The following SLC22A24 variants were observed in gnomAD, a reference collection of about 807,000 sequenced individuals.
The protein encoded by SLC22A24 is steroid transmembrane transporter SLC22A24.
SLC22A24 carries 53 observed loss-of-function variants against 49.8 expected under a neutral mutation model. That is an observed-to-expected ratio of 1.06 (90% CI 0.85 to 1.34). The LOEUF (loss-of-function observed/expected upper bound fraction) is 1.34. Ranked by LOEUF, SLC22A24 falls within the 40% of genes most tolerant of loss-of-function variation. The pLI, the probability that SLC22A24 is intolerant of heterozygous loss-of-function variation, is 0.00. For synonymous variants in SLC22A24, 302 were observed against 256.4 expected (o/e 1.18, Z -1.70); for missense variants, 786 against 675.9 (o/e 1.16, Z -1.81).
At chr11:63,111,540 C>A (rs1426798624) in intron 4 of SLC22A24, among the ~76,000 whole-genome samples, 1 of 151,790 alleles carries the variant, frequency 6.6e-6, no homozygotes, top group Non-Finnish European at 1.5e-5. Flanking sequence ...TGTTATTGGT[C>A]TATTCAGAGA....
At position 63,090,702 on chromosome 11, in the gene SLC22A24, TA is replaced by T. The variant is rs370751523; in HGVS notation, c.1070+5288del. Among the ~76,000 whole-genome samples, 283 of 143,206 alleles carry T rather than the reference TA, an allele frequency of 2.0e-3. 3 individuals carry two copies. Among genetic ancestry groups the T allele is most frequent in the African/African-American group, 6.4e-3 (247 of 38,810 alleles). The allele number at this position is 143,206 out of a possible 152,430, so 93.9% of individuals were successfully genotyped here. ...ATAAATAAATAAATAATAGCTATCT[TA>T]AAAAAAAAAGAAGTTATTTGAAACC... On this transcript the variant is annotated intron_variant, in intron 6 of 9. Coordinates refer to ENST00000612278, the MANE Select transcript of SLC22A24 (RefSeq NM_001136506.2).
At position 63,096,042 on chromosome 11, in the gene SLC22A24, A is replaced by C; in HGVS notation, c.1019T>G (p.Leu340Arg). Residue 340 changes from leucine (L) to arginine (R), a missense_variant, in exon 6 of 10, where the codon CTG (leucine) becomes CGG (arginine). Coordinates refer to ENST00000612278, the MANE Select transcript of SLC22A24 (RefSeq NM_001136506.2). The part of the protein sequence containing the change: ...AVRIKTSIFS[L>R]FRAPKLRMRV... ...CATTCGCAATTTGGGTGCACGGAAC[A>C]GGGAAAAAATGGATGTTTTAATTCG... 6.4e-7 allele frequency: 1 copy of C among 1,551,014 alleles called. No individual in the cohort carries two copies. Among genetic ancestry groups the C allele is most frequent in the Non-Finnish European group, 8.7e-7 (1 of 1,146,488 alleles).
In SLC22A24 at chr11:63,143,524, G is replaced by T; in HGVS notation, c.256C>A (p.Gln86Lys). 1.3e-6 allele frequency: 2 copies of T among 1,596,514 alleles called. No homozygotes were observed. Among genetic ancestry groups the T allele is most frequent in the Non-Finnish European group, 1.7e-6 (2 of 1,172,194 alleles). ...GGATGGATAAAGCGCTGACACTTCTGTGGCCTCAGGTTTGAGTCCAGTGGG... is the reference window on the plus strand; with the variant it reads ...GGATGGATAAAGCGCTGACACTTCTTTGGCCTCAGGTTTGAGTCCAGTGGG... Reference protein sequence around the residue: ...SIPLDSNLRPQKCQRFIHPQW... With the variant: ...SIPLDSNLRPKKCQRFIHPQW... The change falls in exon 1 of 10, where the codon CAG (glutamine) becomes AAG (lysine). Residue 86 changes from glutamine (Q) to lysine (K), a missense_variant. Gln to Lys is a moderately conservative substitution (Grantham distance 53). Transcript: ENST00000612278.
In SLC22A24 at chr11:63,083,439, G is replaced by A. The variant is rs1408101029; in HGVS notation, c.1089C>T (p.Pro363=). Residue 363 remains proline (P), a synonymous_variant, in exon 7 of 10, where the codon CCC becomes CCT. Coordinates refer to ENST00000612278, the MANE Select transcript of SLC22A24 (RefSeq NM_001136506.2). ...LCFVRFAITV[P]FYGLILNLQH... ...GCAAGTTGAGTATCAGGCCATAAAA[G>A]GGTACAGTGATTGCGAATCTGAAGT... is the stretch of plus-strand genomic sequence containing the variant. The A allele has an allele frequency of 5.8e-6, 9 of 1,551,092 alleles. No homozygotes were observed. The highest frequency in any genetic ancestry group is 4.1e-5 in the African/African-American group (3 of 73,018).
intron 6 of SLC22A24, among the ~76,000 whole-genome samples, chr11:63,093,891 T>C (rs749417461): frequency 2.0e-5 from 3 of 152,080 alleles, no homozygotes; most frequent in Admixed American, 6.6e-5. Context: ...AATGTGATAC[T>C]ATATGCAGTC....
intron 6 of SLC22A24, 24 bp from the exon 7 acceptor site, chr11:63,083,481 G>T: frequency 1.3e-6 from 2 of 1,512,208 alleles, no homozygotes; most frequent in Non-Finnish European, 9.0e-7. Context: ...AAAGGACAAA[G>T]ACATATTCAA....
rs1407174023 is a variant in SLC22A24 at position 63,080,999 on chromosome 11, G to A, written c.1519C>T (p.Leu507Phe). 1.3e-6 allele frequency: 2 copies of A among 1,551,932 alleles called. No individual in the cohort carries two copies. Among genetic ancestry groups the A allele is most frequent in the Non-Finnish European group, 8.7e-7 (1 of 1,147,244 alleles). ...AGGAGGAGGATAACAGGGACAGCAA[G>A]GATGGGGAAGACTCCATAGGAAATC... The part of the protein sequence containing the change: ...PWISYGVFPI[L>F]AVPVILLLPE... Residue 507 changes from leucine to phenylalanine, a missense_variant, in exon 9 of 10, where the codon CTT (leucine) becomes TTT (phenylalanine). Transcript: ENST00000612278.
chr11:63,142,747 T>A (rs1015028910), intron 1 of SLC22A24, among the ~76,000 whole-genome samples: 5 of 151,874 alleles, frequency 3.3e-5, no homozygotes, highest in African/African-American at 1.2e-4. Flanking sequence ...ACTTAGGAAG[T>A]GACTCAGCAC....
At chr11:63,142,864 G>A (rs935788874) in intron 1 of SLC22A24, among the ~76,000 whole-genome samples, 6 of 152,008 alleles carry the variant, frequency 3.9e-5, no homozygotes, top group Admixed American at 1.3e-4. Context: ...TCTGCTCCCC[G>A]AATGCTCAGG....
Position 63,079,960 on chromosome 11 carries a change from T to C in SLC22A24, c.1639A>G (p.Met547Val). The C allele has an allele frequency of 6.5e-7, 1 of 1,546,018 alleles. No individual in the cohort carries two copies. Among genetic ancestry groups the C allele is most frequent in the East Asian group, 2.4e-5 (1 of 40,862 alleles). The change falls in exon 10 of 10, where the codon ATG (methionine) becomes GTG (valine). Residue 547 changes from methionine (M) to valine (V), a missense_variant. Physicochemically the swap from Met to Val is conservative, Grantham distance 21. Coordinates refer to ENST00000612278, the MANE Select transcript of SLC22A24 (RefSeq NM_001136506.2). The part of the protein sequence containing the change: ...SRNIKQEDTC[M>V]KVTQF ...ATCTCTTAAAACTGTGTTACTTTCA[T>C]GCAAGTATCTTCCTGCTTTATGTTT...
At chr11:63,099,371 A>AT (rs56708217) in intron 5 of SLC22A24, among the ~76,000 whole-genome samples, 16,543 of 51,608 alleles carry the variant, frequency 0.32, 4,866 homozygotes, top group East Asian at 0.36. Flanking sequence ...AATTTTTAAG[A>AT]TTTTTTTTTT....
rs2087432869 is a variant in SLC22A24, at chr11:63,143,692, G to A, written c.88C>T (p.Leu30=). 3 of 1,574,162 alleles carry A rather than the reference G, an allele frequency of 1.9e-6. No homozygotes were observed. Among genetic ancestry groups the A allele is most frequent in the African/African-American group, 1.4e-5 (1 of 73,288 alleles). The change falls in exon 1 of 10, where the codon CTA becomes TTA. Residue 30 remains leucine (L), a synonymous_variant. Coordinates refer to ENST00000612278, the MANE Select transcript of SLC22A24 (RefSeq NM_001136506.2). ...LIAFFCITNI[L]LFPNIVLENF... ...TCCAACACAATATTAGGGAACAGTA[G>A]GATGTTGGTGATGCAAAAGAAAGCT...
Position 63,096,046 on chromosome 11 carries a change from A to G in SLC22A24, c.1015T>C (p.Ser339Pro), listed in dbSNP as rs7113279. 0.53 allele frequency: 818,297 copies of G among 1,549,930 alleles called. 217,035 individuals are homozygous for G. The highest frequency in any genetic ancestry group is 0.58 in the East Asian group (23,503 of 40,866). ...CGCAATTTGGGTGCACGGAACAGGG[A>G]AAAAATGGATGTTTTAATTCGGACT... is the stretch of plus-strand genomic sequence containing the variant. ...DAVRIKTSIFSLFRAPKLRMR... is the reference protein window; with the variant it reads ...DAVRIKTSIFPLFRAPKLRMR... The change falls in exon 6 of 10, where the codon TCC becomes CCC. Residue 339 changes from serine (S) to proline (P), a missense_variant. Physicochemically the swap from Ser to Pro is moderately conservative, Grantham distance 74. Coordinates refer to ENST00000612278, the MANE Select transcript of SLC22A24 (RefSeq NM_001136506.2).
intron 6 of SLC22A24, among the ~76,000 whole-genome samples, chr11:63,088,942 C>T (rs547658468): frequency 6.6e-5 from 10 of 152,202 alleles, no homozygotes; most frequent in South Asian, 6.2e-4. Flanking sequence ...ACACAACCTA[C>T]GATAAATTGG....
chr11:63,099,864 A>G (rs1238845594), intron 5 of SLC22A24, among the ~76,000 whole-genome samples: 1 of 152,200 alleles, frequency 6.6e-6, no homozygotes, highest in African/African-American at 2.4e-5. Context: ...AGCATTTGAT[A>G]AAATTCAACT....
At chr11:63,112,029 C>T (rs1017432135) in intron 4 of SLC22A24, among the ~76,000 whole-genome samples, 3 of 151,872 alleles carry the variant, frequency 2.0e-5, no homozygotes, top group Non-Finnish European at 4.4e-5. Flanking sequence ...GAATGTGTCC[C>T]AGAGATTCTG....
At chr11:63,121,468 G>A (rs576195694) in intron 2 of SLC22A24, among the ~76,000 whole-genome samples, 3 of 152,154 alleles carry the variant, frequency 2.0e-5, no homozygotes, top group South Asian at 4.2e-4. Flanking sequence ...ATAGTTTGAA[G>A]CAGCAGACTA....
chr11:63,130,078 T>C (rs1484026133), intron 2 of SLC22A24, among the ~76,000 whole-genome samples: 1 of 152,156 alleles, frequency 6.6e-6, no homozygotes, highest in Non-Finnish European at 1.5e-5. Flanking sequence ...ATGCTTCCAG[T>C]TTTTGCCCAT....
rs527269106 is a variant in SLC22A24 at position 63,105,579 on chromosome 11, G to A, written c.831-1281C>T. Among the ~76,000 whole-genome samples, 32 of 152,280 alleles carry A rather than the reference G, an allele frequency of 2.1e-4. 1 individual carries two copies. In the South Asian group the frequency reaches 6.2e-3, roughly 30 times the overall value. ...ATCCTCTGAAGCCACAGCCCAAGTT[G>A]TCCCTTGGCCCGTTTTGGCCATGGC... On this transcript the variant is annotated intron_variant, in intron 4 of 9. Transcript: ENST00000612278.
Sources: gnomAD v4.1 joint callset for allele counts (sites outside exome capture counted in the v4.1 genomes callset) on GRCh38, gnomAD v4.1.1 for gene constraint, MANE v1.5 for transcripts, NCBI Gene and HGNC (gene_info 2026-07-23, HGNC 2026-07-21) for gene names.